Variants in ZNFX1 observed in about 807,000 individuals in gnomAD.
ZNFX1 encodes the protein zinc finger NFX1-type containing 1.
ZNFX1 carries 78 observed loss-of-function variants against 179.8 expected under a neutral mutation model. The observed-to-expected ratio is 0.43, with a 90% confidence interval of 0.36 to 0.52. The LOEUF (loss-of-function observed/expected upper bound fraction) is 0.52. Ranked by LOEUF, ZNFX1 falls within the 20% of genes least tolerant of loss-of-function variation. The pLI is 0.00. For missense variants in ZNFX1, 1,927 were observed against 2,386.6 expected (o/e 0.81, Z 4.01); for synonymous variants, 848 against 868.5 (o/e 0.98, Z 0.42).
chr20:49,267,190 C>T (rs1240617950), intron 3 of ZNFX1, among the ~76,000 whole-genome samples: 1 of 152,212 alleles, frequency 6.6e-6, no homozygotes, highest in East Asian at 1.9e-4. Context: ...GCCACCATGC[C>T]TGGCCTGCTA....
intron 2 of ZNFX1, among the ~76,000 whole-genome samples, chr20:49,272,864 C>T (rs1981452711): frequency 6.6e-6 from 1 of 152,198 alleles, no homozygotes; most frequent in South Asian, 2.1e-4. Flanking sequence ...ATTACCAACC[C>T]TTATACAGGA....
chr20:49,248,230 T>C lies in ZNFX1; in HGVS notation c.4794A>G (p.Gln1598=). The change falls in exon 14 of 14, where the codon CAA becomes CAG. Residue 1598 remains glutamine (Q), a synonymous_variant. Coordinates refer to ENST00000396105, the MANE Select transcript of ZNFX1 (RefSeq NM_021035.3). This position sits in a 1 kb window ranked among gnomAD's most constrained non-coding sequence, Gnocchi z 4.6. ...LEDCSHIFEV[Q]ALDRYMNEQK... ...GTTCATTCATGTAGCGGTCTAGGGC[T>C]TGCACCTCAAAGATGTGGCTGCAGT... The C allele has an allele frequency of 6.2e-7, 1 of 1,614,186 alleles. No individual in the cohort carries two copies. The highest frequency in any genetic ancestry group is 1.1e-5 in the South Asian group (1 of 91,090).
rs1980902546 is a variant in ZNFX1, at chr20:49,253,819, G to A, written c.2960-8C>T. The A allele has an allele frequency of 1.2e-6, 2 of 1,613,744 alleles. No homozygotes were observed. The highest frequency in any genetic ancestry group is 2.2e-5 in the East Asian group (1 of 44,864). On this transcript the variant is annotated splice_polypyrimidine_tract_variant and splice_region_variant and intron_variant, in intron 10 of 13. Coordinates refer to ENST00000396105, the MANE Select transcript of ZNFX1 (RefSeq NM_021035.3). ...GGCGGTATTTGGCAGCACCTCAAGTGAGGAAAGAAGAGAAAGGCTCCTCTG... is the reference window on the plus strand; with the variant it reads ...GGCGGTATTTGGCAGCACCTCAAGTAAGGAAAGAAGAGAAAGGCTCCTCTG...
intron 13 of ZNFX1, among the ~76,000 whole-genome samples, chr20:49,251,144 C>T (rs1980826884): frequency 6.8e-6 from 1 of 147,640 alleles, no homozygotes; most frequent in Admixed American, 6.8e-5. Flanking sequence ...TGAAGGCTTT[C>T]TTTTTTTTTT....
Position 49,271,092 on chromosome 20 carries a change from A to AT in ZNFX1, c.719dup (p.Tyr240Ter). Reference sequence around the variant, plus strand: ...AGATGATGTTGCTTATGTGCTCTGGATACTGGTTTCGGATGTCAGGGATGG... The same window carrying AT: ...AGATGATGTTGCTTATGTGCTCTGGATTACTGGTTTCGGATGTCAGGGATGG... The part of the protein sequence containing the change: ...TEPIPDIRNQ[Y>*]PEHISNIISL... Residue 240 changes from tyrosine to a stop codon, truncating the protein, a stop_gained and frameshift_variant, in exon 3 of 14, where the codon TAT becomes TAAT. Coordinates refer to ENST00000396105, the MANE Select transcript of ZNFX1 (RefSeq NM_021035.3). LOFTEE classifies it high-confidence loss of function. 2 of 1,614,144 alleles carry AT rather than the reference A, an allele frequency of 1.2e-6. No individual in the cohort carries two copies. The highest frequency in any genetic ancestry group is 8.5e-7 in the Non-Finnish European group (1 of 1,180,026).
Position 49,251,585 on chromosome 20 carries a change from G to T in ZNFX1, c.3254C>A (p.Pro1085His), listed in dbSNP as rs147830129. Residue 1085 changes from proline to histidine, a missense_variant, in exon 13 of 14, where the codon CCC becomes CAC. Transcript: ENST00000396105. The part of the protein sequence containing the change: ...MCPEIARLLT[P>H]HIYQDLENHP... ...ATTCTCCAGATCCTGGTAAATGTGG[G>T]GGGTCAAAAGGCGGGCAATTTCAGG... is the stretch of plus-strand genomic sequence containing the variant. The T allele has an allele frequency of 3.7e-6, 6 of 1,612,434 alleles. No homozygotes were observed. The highest frequency in any genetic ancestry group is 5.1e-6 in the Non-Finnish European group (6 of 1,179,258).
intron 11 of ZNFX1, 139 bp downstream of exon 11, chr20:49,253,527 A>G (rs1176525985): frequency 1.5e-5 from 15 of 1,000,294 alleles, no homozygotes; most frequent in Non-Finnish European, 2.0e-5. Context: ...CTTAGACTGA[A>G]CGTGGGAGGT....
intron 5 of ZNFX1, among the ~76,000 whole-genome samples, chr20:49,264,354 G>GAA (rs1981187391): frequency 6.6e-6 from 1 of 152,216 alleles, no homozygotes; most frequent in Non-Finnish European, 1.5e-5. Flanking sequence ...CACAATATCT[G>GAA]TTCTCTCTCT....
rs553164623 is a variant in ZNFX1, at chr20:49,264,851, A to G, written c.2016T>C (p.Cys672=). Residue 672 remains cysteine, a synonymous_variant, in exon 5 of 14, where the codon TGT becomes TGC. Transcript: ENST00000396105. The stretch of plus-strand genomic sequence containing the variant: ...CCACCCGCACAATGCTGGTCTTCTG[A>G]CAATTGTAGATGCCTGTGGAACAAA... ...LDQFLEGIYN[C]QKTSIVRVGG... is the part of the protein sequence containing the mutation. 5 of 1,614,134 alleles carry G rather than the reference A, an allele frequency of 3.1e-6. No homozygotes were observed. The South Asian group carries it at 5.5e-5, about 18-fold the overall frequency.
Position 49,249,315 on chromosome 20 carries a change from G to C in ZNFX1, c.3709C>G (p.Leu1237Val), listed in dbSNP as rs1482710450. Reference sequence around the variant, plus strand: ...TTGCTCCACAGGGGCACCTTGGCCAGCATCTGCATGTTTCCGATGCAGTAC... The same window carrying C: ...TTGCTCCACAGGGGCACCTTGGCCACCATCTGCATGTTTCCGATGCAGTAC... ...GMYCIGNMQM[L>V]AKVPLWSKII... Residue 1237 changes from leucine (L) to valine (V), a missense_variant, in exon 14 of 14, where the codon CTG becomes GTG. Transcript: ENST00000396105. 1 of 1,614,280 alleles carries C rather than the reference G, an allele frequency of 6.2e-7. No homozygotes were observed. The highest frequency in any genetic ancestry group is 1.7e-5 in the Admixed American group (1 of 60,034).
At position 49,271,046 on chromosome 20, in the gene ZNFX1, T is replaced by C. The variant is rs1392402964; in HGVS notation, c.766A>G (p.Ser256Gly). The C allele has an allele frequency of 6.2e-7, 1 of 1,614,128 alleles. No individual in the cohort carries two copies. Among genetic ancestry groups the C allele is most frequent in the East Asian group, 2.2e-5 (1 of 44,888 alleles). The change falls in exon 3 of 14, where the codon AGT (serine) becomes GGT (glycine). Residue 256 changes from serine to glycine, a missense_variant. Coordinates refer to ENST00000396105, the MANE Select transcript of ZNFX1 (RefSeq NM_021035.3). ...NIISLLQDLV[S>G]VFPASSVQET... The stretch of plus-strand genomic sequence containing the variant: ...TGCACAGAGCTGGCAGGGAAGACAC[T>C]TACAAGGTCCTGGAGGAGGGAGATG...
chr20:49,248,126 C>T lies in ZNFX1; in HGVS notation c.4898G>A (p.Gly1633Glu). The change falls in exon 14 of 14, where the codon GGA (glycine) becomes GAA (glutamate). Residue 1633 changes from glycine (G) to glutamate (E), a missense_variant. Gly to Glu is a moderately conservative substitution (Grantham distance 98). Coordinates refer to ENST00000396105, the MANE Select transcript of ZNFX1 (RefSeq NM_021035.3). This position sits in a 1 kb window ranked among gnomAD's most constrained non-coding sequence, Gnocchi z 4.6. ...TTCTAGCCGCTGTTTTATGCTAGTT[C>T]CATACCTCAGGTTTTTGCGGATGGG... is the stretch of plus-strand genomic sequence containing the variant. ...QVPIRKNLRY[G>E]TSIKQRLEEI... is the part of the protein sequence containing the mutation. 1 of 1,614,136 alleles carries T rather than the reference C, an allele frequency of 6.2e-7. No individual in the cohort carries two copies. Among genetic ancestry groups the T allele is most frequent in the Non-Finnish European group, 8.5e-7 (1 of 1,180,028 alleles).
At position 49,263,321 on chromosome 20, in the gene ZNFX1, G is replaced by A; in HGVS notation, c.2301+13C>T. On this transcript the variant is annotated intron_variant, in intron 6 of 13. Transcript: ENST00000396105. ...GCCAGAGACATATTTGTGTCCCCCA[G>A]GATGACCCCTACCTGCACTGGTCCA... 1 of 1,611,940 alleles carries A rather than the reference G, an allele frequency of 6.2e-7. No individual in the cohort carries two copies. Among genetic ancestry groups the A allele is most frequent in the African/African-American group, 1.3e-5 (1 of 74,974 alleles).
intron 10 of ZNFX1, 45 bp downstream of exon 10, chr20:49,254,450 A>C (rs1284746590): frequency 6.2e-7 from 1 of 1,606,850 alleles, no homozygotes; most frequent in Non-Finnish European, 8.5e-7. Flanking sequence ...CTGGCACCAG[A>C]AGTGAACTTA....
At chr20:49,250,612 G>A (rs752449398) in intron 13 of ZNFX1, among the ~76,000 whole-genome samples, 15 of 151,966 alleles carry the variant, frequency 9.9e-5, no homozygotes, top group African/African-American at 1.9e-4. Context: ...ACAGTGGCAC[G>A]GTCTTGTTGG....
At chr20:49,251,293 C>A (rs1302896335) in intron 13 of ZNFX1, among the ~76,000 whole-genome samples, 1 of 152,102 alleles carries the variant, frequency 6.6e-6, no homozygotes, top group Non-Finnish European at 1.5e-5. Context: ...CAGGTGCTTG[C>A]CACCATGCTC....
rs1378076190 is a variant in ZNFX1, at chr20:49,270,560, T to C, written c.1252A>G (p.Thr418Ala). The change falls in exon 3 of 14, where the codon ACC becomes GCC. Residue 418 changes from threonine (T) to alanine (A), a missense_variant. Thr to Ala is a moderately conservative substitution (Grantham distance 58). Transcript: ENST00000396105. The surrounding 1 kb of genome is among the most constrained non-coding windows in gnomAD (Gnocchi z 4.6). ...ATGCCTGATGATGAACACATGGGGG[T>C]GATAATCCTGGTGTCAAAGTAGATT... ...IRIYFDTRII[T>A]PMCSSSGIVY... The C allele has an allele frequency of 6.2e-7, 1 of 1,614,130 alleles. No homozygotes were observed. The highest frequency in any genetic ancestry group is 1.3e-5 in the African/African-American group (1 of 75,008).
At position 49,264,781 on chromosome 20, in the gene ZNFX1, C is replaced by A; in HGVS notation, c.2086G>T (p.Glu696Ter). The A allele has an allele frequency of 6.2e-7, 1 of 1,614,166 alleles. No individual in the cohort carries two copies. The highest frequency in any genetic ancestry group is 8.5e-7 in the Non-Finnish European group (1 of 1,180,036). Residue 696 changes from glutamate (E) to a stop codon, truncating the protein, a stop_gained, in exon 5 of 14, where the codon GAG becomes TAG. Transcript: ENST00000396105. LOFTEE classifies it high-confidence loss of function. ...SEILKQFTLRELRNKREFRRN... is the reference protein window; with the variant it reads ...SEILKQFTLR ...CGGAATTCCCGCTTGTTCCTCAGCTCCCTTAGGGTGAACTGCTTCAGGATT... is the reference window on the plus strand; with the variant it reads ...CGGAATTCCCGCTTGTTCCTCAGCTACCTTAGGGTGAACTGCTTCAGGATT...
At position 49,270,188 on chromosome 20, in the gene ZNFX1, G is replaced by C; in HGVS notation, c.1624C>G (p.His542Asp). The C allele has an allele frequency of 3.1e-6, 5 of 1,614,058 alleles. No individual in the cohort carries two copies. The highest frequency in any genetic ancestry group is 4.2e-6 in the Non-Finnish European group (5 of 1,180,026). ...FQRNIVECNS[H>D]VKEPRYLLMG... Reference sequence around the variant, plus strand: ...AGCAAGTACCTTGGCTCCTTCACATGAGAGTTACACTCCACGATATTCCTC... The same window carrying C: ...AGCAAGTACCTTGGCTCCTTCACATCAGAGTTACACTCCACGATATTCCTC... Residue 542 changes from histidine (H) to aspartate (D), a missense_variant, in exon 3 of 14, where the codon CAT (histidine) becomes GAT (aspartate). By Grantham distance (81) the His-to-Asp change is moderately conservative (BLOSUM62 -1). Coordinates refer to ENST00000396105, the MANE Select transcript of ZNFX1 (RefSeq NM_021035.3). The surrounding 1 kb of genome is among the most constrained non-coding windows in gnomAD (Gnocchi z 4.6).
Sources: allele counts gnomAD v4.1 joint callset (sites outside exome capture counted in the v4.1 genomes callset), GRCh38; gene constraint gnomAD v4.1.1; non-coding constraint Gnocchi (gnomAD v3.1); transcripts MANE v1.5; gene names NCBI Gene and HGNC (gene_info 2026-07-23, HGNC 2026-07-21).